ACER2: variants seen among roughly 807,000 people sequenced by gnomAD.
ACER2 encodes alkCDase 2.
Under a neutral mutation model 34.7 loss-of-function variants are expected in ACER2, and 26 were observed. That is an observed-to-expected ratio of 0.75 (90% CI 0.55 to 1.04). The LOEUF (loss-of-function observed/expected upper bound fraction) is 1.04. Among genes scored for constraint, ACER2 ranks in the 50% least tolerant of loss-of-function variants. The pLI, the probability that ACER2 is intolerant of heterozygous loss-of-function variation, is 0.00. For missense variants in ACER2, 352 were observed against 340.8 expected (o/e 1.03, Z -0.26); for synonymous variants, 138 against 132.1 (o/e 1.04, Z -0.31).
intron 1 of ACER2, among the ~76,000 whole-genome samples, chr9:19,423,566 T>C (rs1830470939): frequency 6.6e-6 from 1 of 151,950 alleles, no homozygotes. Flanking sequence ...CCAGGTATGG[T>C]GGTGGGTGCC....
intron 4 of ACER2, among the ~76,000 whole-genome samples, chr9:19,439,750 G>A (rs1440629984): frequency 6.6e-6 from 1 of 152,156 alleles, no homozygotes; most frequent in African/African-American, 2.4e-5. Flanking sequence ...GGTGGATCAC[G>A]AGGTCAGGAG....
At chr9:19,448,514 C>T (rs1051222718) in intron 5 of ACER2, among the ~76,000 whole-genome samples, 3 of 152,104 alleles carry the variant, frequency 2.0e-5, no homozygotes, top group Non-Finnish European at 2.9e-5. Context: ...TCCACTTTTG[C>T]AAACACTTTA....
In ACER2 at chr9:19,418,373, T is replaced by A. The variant is rs181848603; in HGVS notation, c.109-5489T>A. 3.9e-3 allele frequency among the ~76,000 whole-genome samples: 587 copies of A among 151,888 alleles called. 2 individuals are homozygous for A. Among genetic ancestry groups the A allele is most frequent in the Non-Finnish European group, 6.5e-3 (440 of 67,920 alleles). ...TATATACCCAAAGGATTATAAATCATTCTACTATAAAGACACATGCACAAG... is the reference window on the plus strand; with the variant it reads ...TATATACCCAAAGGATTATAAATCAATCTACTATAAAGACACATGCACAAG... On this transcript the variant is annotated intron_variant, in intron 1 of 5. Transcript: ENST00000340967.
At chr9:19,431,984 C>A (rs1365701006) in intron 3 of ACER2, among the ~76,000 whole-genome samples, 1 of 152,164 alleles carries the variant, frequency 6.6e-6, no homozygotes, top group South Asian at 2.1e-4. Flanking sequence ...ATCATGTACT[C>A]CTAAATTGAA....
rs140375015 is a variant in ACER2, at chr9:19,441,256, A to G, written c.504-5025A>G. Among the ~76,000 whole-genome samples the G allele has an allele frequency of 2.5e-3, 378 of 152,140 alleles. 1 individual carries two copies. The highest frequency in any genetic ancestry group is 4.1e-3 in the Non-Finnish European group (278 of 67,988). On this transcript the variant is annotated intron_variant, in intron 4 of 5. Transcript: ENST00000340967. ...AGTAGAGATGGGGTTTCACCATGTT[A>G]GCCAGGATGGTCTCAATCTGCTGAC...
intron 3 of ACER2, among the ~76,000 whole-genome samples, chr9:19,426,121 C>T (rs1368984323): frequency 6.6e-6 from 1 of 151,844 alleles, no homozygotes; most frequent in Non-Finnish European, 1.5e-5. Flanking sequence ...CACAAAAATG[C>T]CTGGGAGGTG....
chr9:19,439,062 T>C (rs1463624320), intron 4 of ACER2, among the ~76,000 whole-genome samples: 1 of 152,248 alleles, frequency 6.6e-6, no homozygotes, highest in Non-Finnish European at 1.5e-5. Flanking sequence ...TTGTGATCTT[T>C]ACATAAGGAA....
At chr9:19,409,914 G>A in intron 1 of ACER2, 2 of 985,406 alleles carry the variant, frequency 2.0e-6, no homozygotes, top group Non-Finnish European at 1.2e-6. Flanking sequence ...ATAAGGGTGA[G>A]CAGAAACTTC....
intron 3 of ACER2, among the ~76,000 whole-genome samples, chr9:19,433,794 C>A (rs1343017316): frequency 4.0e-5 from 6 of 150,366 alleles, no homozygotes; most frequent in East Asian, 4.0e-4. Context: ...CTGACCCCCC[C>A]ACCTCCTTCC....
Position 19,432,865 on chromosome 9 carries a change from A to T in ACER2, c.366-2082A>T, listed in dbSNP as rs530311813. Reference sequence around the variant, plus strand: ...TACTTTGGCCTCCCAAAGTGCTAGGATTACAGGTGTGAGCCACCATACCCA... The same window carrying T: ...TACTTTGGCCTCCCAAAGTGCTAGGTTTACAGGTGTGAGCCACCATACCCA... On this transcript the variant is annotated intron_variant, in intron 3 of 5. Coordinates refer to ENST00000340967, the MANE Select transcript of ACER2 (RefSeq NM_001010887.3). 4.0e-5 allele frequency among the ~76,000 whole-genome samples: 6 copies of T among 151,358 alleles called. No homozygotes were observed. In the East Asian group the frequency reaches 1.2e-3, roughly 29 times the overall value.
intron 1 of ACER2, among the ~76,000 whole-genome samples, chr9:19,413,063 G>A (rs1457444212): frequency 1.3e-5 from 2 of 152,158 alleles, no homozygotes; most frequent in Non-Finnish European, 2.9e-5. Context: ...TTGTGAAATG[G>A]CACACTAAAG....
chr9:19,420,960 GAGATTTTGTCAT>G (rs144793291), intron 1 of ACER2, among the ~76,000 whole-genome samples: 247 of 152,248 alleles, frequency 1.6e-3, no homozygotes, highest in African/African-American at 5.6e-3. Flanking sequence ...GTATTGTCAG[GAGATTTTGTCAT>G]TCTATAACAT....
In ACER2 at chr9:19,451,876, G is replaced by A; in HGVS notation, c.*1240G>A. ...ACTTCTTGTTTCTGTTGTGTTTTCT[G>A]TGGGCATCATGTTCTTCACGCTTGC... On this transcript the variant is annotated 3_prime_UTR_variant, in exon 6 of 6. Coordinates refer to ENST00000340967, the MANE Select transcript of ACER2 (RefSeq NM_001010887.3). The A allele has an allele frequency of 6.6e-6, 1 of 152,380 alleles. No individual in the cohort carries two copies. The allele number at this position is 152,380 out of a possible 1,614,324, so 9.4% of individuals were successfully genotyped here.
intron 4 of ACER2, among the ~76,000 whole-genome samples, chr9:19,441,780 C>T (rs1472462304): frequency 6.6e-6 from 1 of 152,142 alleles, no homozygotes; most frequent in Admixed American, 6.6e-5. Flanking sequence ...ACACCAGTTC[C>T]CAGCCAGGAA....
At chr9:19,433,695 C>T (rs1336727712) in intron 3 of ACER2, among the ~76,000 whole-genome samples, 13 of 152,166 alleles carry the variant, frequency 8.5e-5, no homozygotes, top group East Asian at 3.8e-4. Flanking sequence ...GGGTGGTGGC[C>T]GGGCAGAGGG....
chr9:19,424,981 T>A, intron 3 of ACER2, 140 bp downstream of exon 3: 4 of 1,137,970 alleles, frequency 3.5e-6, no homozygotes, highest in Non-Finnish European at 4.9e-6. Context: ...ATCTACTGAT[T>A]GTTTTTATGA....
chr9:19,450,278 G>T (rs1831518921), intron 5 of ACER2, 172 bp from the exon 6 acceptor site: 2 of 985,266 alleles, frequency 2.0e-6, no homozygotes, highest in Non-Finnish European at 1.2e-6. Flanking sequence ...TTATCATCCT[G>T]CTATTCCAGG....
chr9:19,440,667 A>C (rs573186258), intron 4 of ACER2, among the ~76,000 whole-genome samples: 1 of 152,208 alleles, frequency 6.6e-6, no homozygotes, highest in Non-Finnish European at 1.5e-5. Flanking sequence ...GTTTTGTTAT[A>C]ACAGCCTGCA....
chr9:19,414,625 C>T (rs561198777), intron 1 of ACER2, among the ~76,000 whole-genome samples: 1 of 152,232 alleles, frequency 6.6e-6, no homozygotes, highest in Admixed American at 6.5e-5. Context: ...TGGCAAAACC[C>T]TACCCTGTCT....
Sources: gnomAD v4.1 joint callset for allele counts (sites outside exome capture counted in the v4.1 genomes callset) on GRCh38, gnomAD v4.1.1 for gene constraint, MANE v1.5 for transcripts, NCBI Gene and HGNC (gene_info 2026-07-23, HGNC 2026-07-21) for gene names.